RIC1: variants seen among roughly 807,000 people sequenced by gnomAD.
RIC1 encodes the protein RIC1 partner of RAB6A GEF complex.
A neutral mutation model predicts 169.0 loss-of-function variants in RIC1; 88 were observed. The ratio of observed to expected loss-of-function variants is 0.52; its 90% CI spans 0.44 to 0.62. The LOEUF is 0.62. Ranked by LOEUF, RIC1 falls within the 20% of genes least tolerant of loss-of-function variation. RIC1 has a pLI of 0.00. For missense variants in RIC1, 1,877 were observed against 1,725.5 expected (o/e 1.09, Z -1.56); for synonymous variants, 790 against 601.5 (o/e 1.31, Z -4.59).
chr9:5,682,288 G>A (rs1820898461), intron 2 of RIC1, among the ~76,000 whole-genome samples: 1 of 152,174 alleles, frequency 6.6e-6, no homozygotes, highest in African/African-American at 2.4e-5. Flanking sequence ...TTTTTGCAGT[G>A]GCTGGTACCA....
At chr9:5,652,065 G>C (rs1586883180) in intron 1 of RIC1, among the ~76,000 whole-genome samples, 2 of 152,120 alleles carry the variant, frequency 1.3e-5, no homozygotes. Context: ...TTGTTCCATT[G>C]TTTTATTTGC....
intron 4 of RIC1, chr9:5,719,426 TC>T (rs1587012295): frequency 6.6e-6 from 1 of 152,392 alleles, no homozygotes; most frequent in East Asian, 1.9e-4. Flanking sequence ...ATTTTTGATT[TC>T]TTGCCTGAGA....
intron 6 of RIC1, 60 bp from the exon 7 acceptor site, chr9:5,732,328 T>C: frequency 1.6e-6 from 2 of 1,270,766 alleles, no homozygotes; most frequent in Non-Finnish European, 2.3e-6. Flanking sequence ...GAGAATTATA[T>C]TGACTACGGT....
chr9:5,766,976 C>G (rs1826814300), intron 21 of RIC1, among the ~76,000 whole-genome samples: 1 of 152,178 alleles, frequency 6.6e-6, no homozygotes, highest in Non-Finnish European at 1.5e-5. Context: ...TAGAAGTGTT[C>G]CCTGATGGCC....
At chr9:5,768,794 C>G (rs1192454936) in intron 21 of RIC1, among the ~76,000 whole-genome samples, 176 bp from the exon 22 acceptor site, 2 of 152,056 alleles carry the variant, frequency 1.3e-5, no homozygotes, top group Non-Finnish European at 2.9e-5. Context: ...TTCTGTGTTC[C>G]GAGGGTTGTG....
At position 5,752,755 on chromosome 9, in the gene RIC1, C is replaced by A. The variant is rs554195932; in HGVS notation, c.1453-445C>A. ...CTGGCCTAAGCATTGCTGTTTTAAT[C>A]AGAAAAGTGTAAAAGTAATAAAAAT... On this transcript the variant is annotated intron_variant, in intron 12 of 25. Transcript: ENST00000414202. Among the ~76,000 whole-genome samples the A allele has an allele frequency of 4.6e-5, 7 of 152,218 alleles. 2 individuals carry two copies. Among genetic ancestry groups the A allele is most frequent in the Admixed American group, 4.6e-4 (7 of 15,292 alleles).
intron 6 of RIC1, among the ~76,000 whole-genome samples, chr9:5,729,023 GCTCCCCT>G (rs1426733487): frequency 4.6e-5 from 7 of 152,082 alleles, no homozygotes; most frequent in Non-Finnish European, 7.4e-5. Flanking sequence ...CCTCCCTTCT[GCTCCCCT>G]CTCCCCTCTC....
intron 4 of RIC1, 60 bp downstream of exon 4, chr9:5,714,063 A>G (rs1447984482): frequency 9.6e-7 from 1 of 1,044,802 alleles, no homozygotes; most frequent in Non-Finnish European, 1.4e-6. Context: ...TAGTTCGTAA[A>G]TCCCATGACC....
intron 1 of RIC1, among the ~76,000 whole-genome samples, chr9:5,648,477 A>G (rs1818642212): frequency 6.6e-6 from 1 of 152,200 alleles, no homozygotes; most frequent in Non-Finnish European, 1.5e-5. Flanking sequence ...CAGTGTGGCT[A>G]TGAACTTGGG....
intron 6 of RIC1, among the ~76,000 whole-genome samples, chr9:5,727,345 T>C (rs1223144276): frequency 7.2e-5 from 11 of 152,252 alleles, no homozygotes; most frequent in Non-Finnish European, 1.5e-4. Flanking sequence ...CTGAAGCTTG[T>C]GCAGGCATCA....
chr9:5,650,692 T>G (rs1370645643), intron 1 of RIC1, among the ~76,000 whole-genome samples: 1 of 152,080 alleles, frequency 6.6e-6, no homozygotes, highest in Non-Finnish European at 1.5e-5. Flanking sequence ...TTACTGTCAG[T>G]GGCAGCAACC....
intron 3 of RIC1, among the ~76,000 whole-genome samples, chr9:5,692,634 G>A (rs1376682019): frequency 6.6e-6 from 1 of 152,000 alleles, no homozygotes; most frequent in Non-Finnish European, 1.5e-5. Flanking sequence ...ACTTAGTCTA[G>A]TGAGTTTCTT....
At chr9:5,670,077 G>A (rs552412679) in intron 2 of RIC1, among the ~76,000 whole-genome samples, 1 of 152,332 alleles carries the variant, frequency 6.6e-6, no homozygotes, top group South Asian at 2.1e-4. Flanking sequence ...TCTCCAGTTA[G>A]TATGGATACC....
At chr9:5,677,669 TTTCCATA>T (rs1820534019) in intron 2 of RIC1, among the ~76,000 whole-genome samples, 1 of 152,076 alleles carries the variant, frequency 6.6e-6, no homozygotes, top group African/African-American at 2.4e-5. Flanking sequence ...GGCCTTTGTA[TTTCCATA>T]TTTTATGTTC....
chr9:5,698,420 C>T (rs190737158), intron 3 of RIC1, among the ~76,000 whole-genome samples: 1 of 152,200 alleles, frequency 6.6e-6, no homozygotes, highest in East Asian at 1.9e-4. Flanking sequence ...TTTTTCATGG[C>T]CCTTTAAGGG....
At chr9:5,644,103 A>G (rs909338339) in intron 1 of RIC1, among the ~76,000 whole-genome samples, 3 of 152,334 alleles carry the variant, frequency 2.0e-5, no homozygotes, top group African/African-American at 7.2e-5. Context: ...GGTGCATAAA[A>G]ATACATCTAA....
intron 1 of RIC1, among the ~76,000 whole-genome samples, chr9:5,629,893 C>G (rs1175712256): frequency 1.3e-5 from 2 of 152,226 alleles, no homozygotes; most frequent in Admixed American, 6.5e-5. Flanking sequence ...GCCTCTTGGG[C>G]TTTACCCAGC....
At position 5,753,333 on chromosome 9, in the gene RIC1, A is replaced by G. The variant is rs1326987387; in HGVS notation, c.1491+95A>G. The G allele has an allele frequency of 1.5e-4, 174 of 1,125,788 alleles. 1 individual carries two copies. The Middle Eastern group carries it at 4.5e-3, about 29-fold the overall frequency. The allele number at this position is 1,125,788 out of a possible 1,614,324, so 69.7% of individuals were successfully genotyped here. On this transcript the variant is annotated intron_variant, in intron 13 of 25. Transcript: ENST00000414202. ...GCCCTTCAGTGGGTGTACTGAGAAA[A>G]ATAAAACTCTTGATCTATTGTAACA...
At chr9:5,632,424 A>T (rs1387022971) in intron 1 of RIC1, among the ~76,000 whole-genome samples, 1 of 152,204 alleles carries the variant, frequency 6.6e-6, no homozygotes, top group Non-Finnish European at 1.5e-5. Flanking sequence ...CTAAGTAGGT[A>T]TTCGGAATTC....
Sources: allele counts gnomAD v4.1 joint callset (sites outside exome capture counted in the v4.1 genomes callset), GRCh38; gene constraint gnomAD v4.1.1; transcripts MANE v1.5; gene names NCBI Gene and HGNC (gene_info 2026-07-23, HGNC 2026-07-21).